The following OR6N1 variants were observed in gnomAD, a reference collection of about 807,000 sequenced individuals.
The protein encoded by OR6N1 is olfactory receptor 6N1.
For synonymous variants in OR6N1, 170 were observed against 150.7 expected (o/e 1.13, Z -0.94); for missense variants, 394 against 371.7 (o/e 1.06, Z -0.49).
At chr1:158,794,096 C>T in the OR6N1 span, among the ~76,000 whole-genome samples, 3 of 152,306 alleles carry the variant, frequency 2.0e-5, no homozygotes, top group Non-Finnish European at 4.4e-5. Context: ...GGAGGGCACT[C>T]CTCCTATGGG....
chr1:158,837,002 A>T, the OR6N1 span, among the ~76,000 whole-genome samples: 1 of 151,648 alleles, frequency 6.6e-6, no homozygotes, highest in African/African-American at 2.4e-5. Context: ...AGGGTCATGA[A>T]TTTTCTAGTT....
At chr1:158,830,379 A>G in the OR6N1 span, among the ~76,000 whole-genome samples, 1 of 152,132 alleles carries the variant, frequency 6.6e-6, no homozygotes, top group African/African-American at 2.4e-5. Context: ...AACTCTCTCT[A>G]TGCTGCTGGT....
rs1301292049 is a variant in OR6N1, at chr1:158,765,835, G to A, written c.848C>T (p.Pro283Leu). The A allele has an allele frequency of 6.2e-7, 1 of 1,614,108 alleles. No individual in the cohort carries two copies. Among genetic ancestry groups the A allele is most frequent in the Non-Finnish European group, 8.5e-7 (1 of 1,179,990 alleles). The change falls in exon 2 of 2, where the codon CCC (proline) becomes CTC (leucine). Residue 283 changes from proline (P) to leucine (L), a missense_variant. Transcript: ENST00000641846. The part of the protein sequence containing the change: ...ALAVVYSVLT[P>L]FLNPFIYSLR... ...GCTGTAGATGAAGGGGTTGAGGAAG[G>A]GTGTGAGCACTGAGTAGACCACTGC...
Position 158,772,105 on chromosome 1 carries a change from C to T in OR6N1, c.-103G>A, listed in dbSNP as rs545582148. 5 of 152,350 alleles carry T rather than the reference C, an allele frequency of 3.3e-5. No individual in the cohort carries two copies. The highest frequency in any genetic ancestry group is 6.5e-5 in the Admixed American group (1 of 15,298). 9.4% of individuals were successfully genotyped at this position (152,350 alleles called of 1,614,324 possible). On this transcript the variant is annotated 5_prime_UTR_variant, in exon 1 of 2. Transcript: ENST00000641846. ...CTCGGAGTCCGAAGTTTGAAGAGAA[C>T]TTCCTGTATACTTCCTATGTCTCAT...
the OR6N1 span, among the ~76,000 whole-genome samples, chr1:158,839,326 C>G: frequency 6.6e-6 from 1 of 152,118 alleles, no homozygotes; most frequent in Non-Finnish European, 1.5e-5. Context: ...TTGTAATTCT[C>G]TCATATACAC....
the OR6N1 span, among the ~76,000 whole-genome samples, chr1:158,778,126 A>G: frequency 6.6e-6 from 1 of 152,238 alleles, no homozygotes; most frequent in African/African-American, 2.4e-5. Context: ...AGATTAATGT[A>G]GTAGCAAATA....
chr1:158,831,521 A>T, the OR6N1 span: 3 of 152,202 alleles, frequency 2.0e-5, no homozygotes, highest in African/African-American at 7.2e-5. Flanking sequence ...TGACTCCAGG[A>T]TTTCTGAAGA....
At chr1:158,839,320 A>G in the OR6N1 span, among the ~76,000 whole-genome samples, 1 of 152,050 alleles carries the variant, frequency 6.6e-6, no homozygotes, top group African/African-American at 2.4e-5. Flanking sequence ...CATTTTTTGT[A>G]ATTCTCTCAT....
the OR6N1 span, among the ~76,000 whole-genome samples, chr1:158,790,188 T>C: frequency 5.9e-3 from 898 of 152,298 alleles, 9 homozygotes; most frequent in African/African-American, 0.02. Context: ...TCTGTTCCAT[T>C]ACTCTATGTA....
the OR6N1 span, among the ~76,000 whole-genome samples, chr1:158,827,482 T>G: frequency 1.3e-5 from 2 of 152,154 alleles, no homozygotes; most frequent in African/African-American, 4.8e-5. Flanking sequence ...TTTTGATAAC[T>G]AATACTTGAG....
chr1:158,835,003 G>A, the OR6N1 span, among the ~76,000 whole-genome samples: 2 of 152,014 alleles, frequency 1.3e-5, no homozygotes, highest in African/African-American at 4.8e-5. Flanking sequence ...ATACCACACT[G>A]TTTTGATTAT....
the OR6N1 span, among the ~76,000 whole-genome samples, chr1:158,805,099 A>G: frequency 2.0e-5 from 3 of 152,364 alleles, no homozygotes; most frequent in East Asian, 5.8e-4. Context: ...CATCAAGGTC[A>G]CATGCCCTTG....
the OR6N1 span, among the ~76,000 whole-genome samples, chr1:158,834,134 ATT>A: frequency 6.7e-6 from 1 of 148,386 alleles, no homozygotes; most frequent in Non-Finnish European, 1.5e-5. Flanking sequence ...TTTGATTTGT[ATT>A]TTTCTAAAGA....
At chr1:158,783,225 C>G in the OR6N1 span, among the ~76,000 whole-genome samples, 1 of 152,248 alleles carries the variant, frequency 6.6e-6, no homozygotes, top group South Asian at 2.1e-4. Context: ...TCTGCCAATA[C>G]TAGAACCCAG....
the OR6N1 span, among the ~76,000 whole-genome samples, chr1:158,801,307 C>A: frequency 1.3e-5 from 2 of 151,874 alleles, no homozygotes; most frequent in Non-Finnish European, 2.9e-5. Context: ...TTTTTTCCCA[C>A]CCACCTTGCC....
the OR6N1 span, among the ~76,000 whole-genome samples, chr1:158,820,976 T>C: frequency 2.6e-4 from 39 of 152,204 alleles, no homozygotes; most frequent in Non-Finnish European, 4.6e-4. Context: ...AGAAGTTCAA[T>C]GAATACAAGT....
the OR6N1 span, among the ~76,000 whole-genome samples, chr1:158,832,648 A>G: frequency 6.6e-6 from 1 of 151,588 alleles, no homozygotes; most frequent in African/African-American, 2.4e-5. Flanking sequence ...TGCATACTTT[A>G]CCATTATGTA....
At chr1:158,808,385 C>T in the OR6N1 span, 1 of 152,742 alleles carries the variant, frequency 6.5e-6, no homozygotes, top group Non-Finnish European at 1.5e-5. Context: ...CCTCGGCCTC[C>T]CAGAGTGCTG....
the OR6N1 span, among the ~76,000 whole-genome samples, chr1:158,801,983 C>T: frequency 6.6e-6 from 1 of 152,180 alleles, no homozygotes; most frequent in South Asian, 2.1e-4. Context: ...GAAATGCTGA[C>T]CTCCCAGGGG....
Sources: allele counts gnomAD v4.1 joint callset (sites outside exome capture counted in the v4.1 genomes callset), GRCh38; gene constraint gnomAD v4.1.1; transcripts MANE v1.5; gene names NCBI Gene and HGNC (gene_info 2026-07-23, HGNC 2026-07-21).